Variants in ASNS observed in about 807,000 individuals in gnomAD.
ASNS encodes asparagine synthetase (glutamine-hydrolyzing).
Under a neutral mutation model 62.6 loss-of-function variants are expected in ASNS, and 37 were observed. That is an observed-to-expected ratio of 0.59 (90% CI 0.45 to 0.78). ASNS has a LOEUF of 0.78. ASNS is among the 30% of genes least tolerant of loss of function. ASNS has a pLI of 0.00. For synonymous variants in ASNS, 207 were observed against 237.9 expected (o/e 0.87, Z 1.19); for missense variants, 520 against 682.4 (o/e 0.76, Z 2.65).
At position 97,857,346 on chromosome 7, in the gene ASNS, G is replaced by A. The variant is rs536874573; in HGVS notation, c.904-530C>T. ...CTCCATAGTGGGAACTAGGTCTCCC[G>A]CTCACTGAATACAGACAAGCTGCCC... On this transcript the variant is annotated intron_variant, in intron 7 of 12. Transcript: ENST00000394308. Among the ~76,000 whole-genome samples, 19 of 152,106 alleles carry A rather than the reference G, an allele frequency of 1.2e-4. No individual in the cohort carries two copies. The South Asian group carries it at 2.9e-3, about 23-fold the overall frequency.
At chr7:97,907,914 T>TA in the ASNS span, among the ~76,000 whole-genome samples, 1 of 152,204 alleles carries the variant, frequency 6.6e-6, no homozygotes, top group African/African-American at 2.4e-5. Context: ...CTGAAGAACT[T>TA]AAAGAATACA....
the ASNS span, among the ~76,000 whole-genome samples, chr7:97,921,276 C>T: frequency 3.4e-4 from 52 of 152,270 alleles, no homozygotes; most frequent in African/African-American, 1.2e-3. Flanking sequence ...CTAAGACTGT[C>T]GGGGTACAAA....
At chr7:97,887,461 G>A in the ASNS span, among the ~76,000 whole-genome samples, 3 of 152,194 alleles carry the variant, frequency 2.0e-5, no homozygotes, top group African/African-American at 7.2e-5. Context: ...TGAAGAATCG[G>A]AGTATATTTC....
chr7:97,895,997 A>C, the ASNS span, among the ~76,000 whole-genome samples: 4 of 151,706 alleles, frequency 2.6e-5, no homozygotes, highest in Admixed American at 1.3e-4. Flanking sequence ...GGAAAAAAAA[A>C]AAAACAAAAA....
At chr7:97,899,716 G>T in the ASNS span, among the ~76,000 whole-genome samples, 1 of 152,132 alleles carries the variant, frequency 6.6e-6, no homozygotes, top group African/African-American at 2.4e-5. Flanking sequence ...TGTTTTGAAG[G>T]TTCATCCACG....
chr7:97,870,630 T>C (rs1792210057), intron 1 of ASNS, among the ~76,000 whole-genome samples: 1 of 152,222 alleles, frequency 6.6e-6, no homozygotes, highest in Non-Finnish European at 1.5e-5. Context: ...AAATAGCCTA[T>C]AACAAATTAT....
chr7:97,926,787 C>CA, the ASNS span, among the ~76,000 whole-genome samples: 1 of 152,112 alleles, frequency 6.6e-6, no homozygotes, highest in Non-Finnish European at 1.5e-5. Flanking sequence ...CTTTGTGGAC[C>CA]AAAAAATTCA....
chr7:97,896,424 T>TAA, the ASNS span, among the ~76,000 whole-genome samples: 37 of 125,182 alleles, frequency 3.0e-4, no homozygotes, highest in African/African-American at 8.5e-4. Context: ...CCGTCTCTAC[T>TAA]AAAAAAAAAA....
At chr7:97,927,037 A>G in the ASNS span, among the ~76,000 whole-genome samples, 1 of 127,102 alleles carries the variant, frequency 7.9e-6, no homozygotes, top group South Asian at 2.7e-4. Context: ...CCTCCCAAGT[A>G]CTTGGGACTA....
chr7:97,902,958 C>G, the ASNS span, among the ~76,000 whole-genome samples: 1 of 152,276 alleles, frequency 6.6e-6, no homozygotes, highest in East Asian at 1.9e-4. Flanking sequence ...TCTGGAGACA[C>G]TGGGGGTTGT....
the ASNS span, among the ~76,000 whole-genome samples, chr7:97,880,949 G>GTTTTC: frequency 3.3e-5 from 5 of 151,818 alleles, no homozygotes; most frequent in Non-Finnish European, 7.4e-5. Flanking sequence ...GTTTTGTTTT[G>GTTTTC]TTTTGTTTTG....
chr7:97,904,886 A>G, the ASNS span, among the ~76,000 whole-genome samples: 2 of 152,188 alleles, frequency 1.3e-5, no homozygotes, highest in Non-Finnish European at 1.5e-5. Flanking sequence ...ACCTATGAAC[A>G]TTTTATACAG....
intron 9 of ASNS, 94 bp downstream of exon 9, chr7:97,855,258 AT>A: frequency 1.1e-6 from 1 of 889,006 alleles, no homozygotes; most frequent in Non-Finnish European, 1.8e-6. Context: ...ATACTCAAAA[AT>A]ATCACTGTCA....
At chr7:97,874,112 A>G (rs1168438819), upstream of ASNS, among the ~76,000 whole-genome samples, 6 of 152,146 alleles carry the variant, frequency 3.9e-5, no homozygotes, top group Non-Finnish European at 8.8e-5. Context: ...CGACCATAAG[A>G]GACAGGTACG....
At chr7:97,868,767 T>C (rs529080049) in intron 3 of ASNS, 141 bp downstream of exon 3, 1 of 1,241,668 alleles carries the variant, frequency 8.1e-7, no homozygotes, top group South Asian at 1.5e-5. Flanking sequence ...CAGTTCCCTA[T>C]TTACATACTT....
rs1333732565 is a variant in ASNS, at chr7:97,867,167, C to A, written c.249+1741G>T. Reference sequence around the variant, plus strand: ...TGACTTGGCTGCAGGCCCTGATACTCCCCTGCAGGGAGAGGGCCTGCTCTT... The same window carrying A: ...TGACTTGGCTGCAGGCCCTGATACTACCCTGCAGGGAGAGGGCCTGCTCTT... On this transcript the variant is annotated intron_variant, in intron 3 of 12. Coordinates refer to ENST00000394308, the MANE Select transcript of ASNS (RefSeq NM_001673.5). Among the ~76,000 whole-genome samples, 4 of 149,468 alleles carry A rather than the reference C, an allele frequency of 2.7e-5. 1 individual carries two copies. Among genetic ancestry groups the A allele is most frequent in the South Asian group, 2.1e-4 (1 of 4,706 alleles).
the ASNS span, among the ~76,000 whole-genome samples, chr7:97,905,441 C>T: frequency 1.3e-5 from 2 of 152,194 alleles, no homozygotes; most frequent in South Asian, 2.1e-4. Flanking sequence ...AATAATCTCA[C>T]CATCCAACTC....
the ASNS span, among the ~76,000 whole-genome samples, chr7:97,923,905 C>A: frequency 1.2e-4 from 18 of 152,358 alleles, no homozygotes; most frequent in Middle Eastern, 6.8e-3. Context: ...CTGGCAGGGA[C>A]CCCTGTCCCA....
the ASNS span, among the ~76,000 whole-genome samples, chr7:97,925,806 G>A: frequency 4.6e-5 from 7 of 152,134 alleles, no homozygotes; most frequent in Admixed American, 1.3e-4. Flanking sequence ...AATCTCTGCC[G>A]AGGTGCCTGG....
Sources: allele counts gnomAD v4.1 joint callset (sites outside exome capture counted in the v4.1 genomes callset), GRCh38; gene constraint gnomAD v4.1.1; transcripts MANE v1.5; gene names NCBI Gene and HGNC (gene_info 2026-07-23, HGNC 2026-07-21).